ADARB1: variants seen among roughly 807,000 people sequenced by gnomAD.
ADARB1 encodes double-stranded RNA-specific editase 1.
A neutral mutation model predicts 52.4 loss-of-function variants in ADARB1; 10 were observed. The ratio of observed to expected loss-of-function variants is 0.19; its 90% confidence interval spans 0.12 to 0.32. The LOEUF is 0.32. Among genes scored for constraint, ADARB1 ranks in the 10% least tolerant of loss-of-function variants. ADARB1 has a pLI of 1.00. For missense variants in ADARB1, 643 were observed against 922.3 expected, an observed-to-expected ratio of 0.70 and a Z score of 3.92; for synonymous variants, 349 against 371.1, an observed-to-expected ratio of 0.94 and a Z score of 0.68.
At chr21:45,133,277 A>G (rs2089071114) in intron 2 of ADARB1, among the ~76,000 whole-genome samples, 1 of 152,258 alleles carries the variant, frequency 6.6e-6, no homozygotes. Flanking sequence ...CCTTGTGACC[A>G]TAGGCCTGTG....
At chr21:45,147,978 G>A (rs570442925) in intron 2 of ADARB1, among the ~76,000 whole-genome samples, 1 of 152,132 alleles carries the variant, frequency 6.6e-6, no homozygotes, top group Admixed American at 6.5e-5. Flanking sequence ...TCCGTCGAGT[G>A]ATGTGCAGGG....
At chr21:45,159,701 T>C (rs2090861470) in intron 2 of ADARB1, among the ~76,000 whole-genome samples, 1 of 152,076 alleles carries the variant, frequency 6.6e-6, no homozygotes, top group Non-Finnish European at 1.5e-5. Flanking sequence ...ACCACCATAG[T>C]CCTCTCCCAT....
At chr21:45,098,458 A>G (rs1320265440) in intron 1 of ADARB1, among the ~76,000 whole-genome samples, 1 of 152,018 alleles carries the variant, frequency 6.6e-6, no homozygotes, top group African/African-American at 2.4e-5. Context: ...CTTCTGCCCC[A>G]GCTCATTATA....
Position 45,172,139 on chromosome 21 carries a change from T to C in ADARB1, c.28+455T>C, listed in dbSNP as rs2146119295. ...TTTGAAGGAAGGGGATTCACACGTG[T>C]CTGTTGATCTAAAGTTCGCAAAGGT... On this transcript the variant is annotated intron_variant, in intron 3 of 10. Coordinates refer to ENST00000348831, the MANE Select transcript of ADARB1 (RefSeq NM_001112.4). This position sits in a 1 kb window ranked among gnomAD's most constrained non-coding sequence, Gnocchi z 4.4. 6.6e-6 allele frequency among the ~76,000 whole-genome samples: 1 copy of C among 152,314 alleles called. No individual in the cohort carries two copies. The highest frequency in any genetic ancestry group is 1.5e-5 in the Non-Finnish European group (1 of 68,020).
rs1385011769 is a variant in ADARB1 at position 45,200,112 on chromosome 21, G to T, written c.1566-4443G>T. Among the ~76,000 whole-genome samples, 2 of 152,334 alleles carry T rather than the reference G, an allele frequency of 1.3e-5. No individual in the cohort carries two copies. Among genetic ancestry groups the T allele is most frequent in the South Asian group, 4.1e-4 (2 of 4,824 alleles). On this transcript the variant is annotated intron_variant, in intron 8 of 10. Coordinates refer to ENST00000348831, the MANE Select transcript of ADARB1 (RefSeq NM_001112.4). The surrounding 1 kb of genome is among the most constrained non-coding windows in gnomAD (Gnocchi z 5.0). Reference sequence around the variant, plus strand: ...TGTCCCTGCTCTGGGAGAGTTGAGAGTGGGGAGCAGCCACCTTGGAGGGCC... The same window carrying T: ...TGTCCCTGCTCTGGGAGAGTTGAGATTGGGGAGCAGCCACCTTGGAGGGCC...
intron 9 of ADARB1, among the ~76,000 whole-genome samples, chr21:45,206,372 TA>T (rs1366707916): frequency 6.6e-6 from 1 of 152,210 alleles, no homozygotes; most frequent in Non-Finnish European, 1.5e-5. Flanking sequence ...ATCATTTTGC[TA>T]AAGAAATTTT....
chr21:45,075,863 G>A (rs1338698520), intron 1 of ADARB1, among the ~76,000 whole-genome samples: 1 of 152,106 alleles, frequency 6.6e-6, no homozygotes, highest in African/African-American at 2.4e-5. Context: ...ATTGCATTCC[G>A]TTCTCGAAGT....
intron 2 of ADARB1, among the ~76,000 whole-genome samples, chr21:45,144,156 A>G (rs1161243045): frequency 2.6e-5 from 4 of 152,208 alleles, no homozygotes; most frequent in Non-Finnish European, 5.9e-5. Flanking sequence ...ACAATTTCCC[A>G]TGTGTTGATT....
At chr21:45,182,949 C>T (rs766120610) in intron 6 of ADARB1, among the ~76,000 whole-genome samples, 196 bp downstream of exon 6, 35 of 152,318 alleles carry the variant, frequency 2.3e-4, no homozygotes, top group Non-Finnish European at 4.6e-4. Context: ...CATACAATAA[C>T]ATAACATGGT....
chr21:45,111,292 C>T (rs1267337783), intron 1 of ADARB1, among the ~76,000 whole-genome samples: 9 of 152,196 alleles, frequency 5.9e-5, no homozygotes, highest in African/African-American at 1.7e-4. Context: ...TTGTTTTTAA[C>T]GTTTTAATAA....
At chr21:45,146,373 G>T (rs890397976) in intron 2 of ADARB1, 1 of 152,228 alleles carries the variant, frequency 6.6e-6, no homozygotes, top group African/African-American at 2.4e-5. Flanking sequence ...TCATTTCAAG[G>T]AAAGCAACAG....
intron 1 of ADARB1, among the ~76,000 whole-genome samples, chr21:45,098,955 G>GCCAGACAGAGTCCTTCTTC (rs973993201): frequency 6.6e-6 from 1 of 152,188 alleles, no homozygotes; most frequent in Non-Finnish European, 1.5e-5. Flanking sequence ...GGTTTATAAG[G>GCCAGACAGAGTCCTTCTTC]CCAGACAGAG....
intron 1 of ADARB1, among the ~76,000 whole-genome samples, chr21:45,106,228 A>G (rs1376328563): frequency 1.4e-5 from 2 of 145,618 alleles, no homozygotes; most frequent in Non-Finnish European, 3.0e-5. Context: ...CTACTTGGCT[A>G]TGTTGCCTGC....
intron 1 of ADARB1, among the ~76,000 whole-genome samples, chr21:45,122,419 T>A (rs528054930): frequency 6.6e-6 from 1 of 152,336 alleles, no homozygotes; most frequent in South Asian, 2.1e-4. Flanking sequence ...CCTCTTTTCA[T>A]AGCATTGCTG....
Position 45,178,534 on chromosome 21 carries a change from A to C in ADARB1, c.964-1796A>C, listed in dbSNP as rs114230536. Among the ~76,000 whole-genome samples, 264 of 152,130 alleles carry C rather than the reference A, an allele frequency of 1.7e-3. 1 individual carries two copies. Among genetic ancestry groups the C allele is most frequent in the African/African-American group, 6.0e-3 (248 of 41,502 alleles). ...CGGAATGTGACGTGTTCCTTGTAGG[A>C]CCCGGGTGGCCCTCCCAGAAGCAGT... On this transcript the variant is annotated intron_variant, in intron 4 of 10. Coordinates refer to ENST00000348831, the MANE Select transcript of ADARB1 (RefSeq NM_001112.4).
At chr21:45,129,382 A>G (rs2088790777) in intron 2 of ADARB1, among the ~76,000 whole-genome samples, 1 of 152,238 alleles carries the variant, frequency 6.6e-6, no homozygotes, top group Admixed American at 6.5e-5. Flanking sequence ...CTGAGTGACT[A>G]ACTCAGGAAG....
chr21:45,208,225 G>A lies in ADARB1; in HGVS notation c.1747+3489G>A, dbSNP rs976219712. Among the ~76,000 whole-genome samples the A allele has an allele frequency of 2.0e-5, 3 of 152,226 alleles. No homozygotes were observed. Among genetic ancestry groups the A allele is most frequent in the Non-Finnish European group, 4.4e-5 (3 of 68,034 alleles). On this transcript the variant is annotated intron_variant, in intron 9 of 10. Coordinates refer to ENST00000348831, the MANE Select transcript of ADARB1 (RefSeq NM_001112.4). This position sits in a 1 kb window ranked among gnomAD's most constrained non-coding sequence, Gnocchi z 5.6. ...GCTCACTAAGATAAACCAAGAAGAA[G>A]GAGCAGGGTGCCCAAATGCCGCATG...
intron 1 of ADARB1, among the ~76,000 whole-genome samples, chr21:45,101,459 T>G (rs552505323): frequency 1.3e-5 from 2 of 152,366 alleles, no homozygotes; most frequent in East Asian, 1.9e-4. Context: ...CTGAAGTGCG[T>G]GCACAGAGTT....
rs17004747 is a variant in ADARB1, at chr21:45,165,720, G to A, written c.-47-5890G>A. Among the ~76,000 whole-genome samples the A allele has an allele frequency of 7.0e-3, 1,062 of 152,216 alleles. 12 individuals carry two copies. The highest frequency in any genetic ancestry group is 0.024 in the African/African-American group (994 of 41,530). On this transcript the variant is annotated intron_variant, in intron 2 of 10. Transcript: ENST00000348831. ...TACTTCAGTTGCTTTTGTTAAATAA[G>A]CAAATCATCTTTCAATTTTTTTGCT... is the stretch of plus-strand genomic sequence containing the variant.
Sources: gnomAD v4.1 joint callset for allele counts (sites outside exome capture counted in the v4.1 genomes callset) on GRCh38, gnomAD v4.1.1 for gene constraint, Gnocchi (gnomAD v3.1) non-coding constraint, MANE v1.5 for transcripts, NCBI Gene and HGNC (gene_info 2026-07-23, HGNC 2026-07-21) for gene names.